The following TLCD4 variants were observed in gnomAD, a reference collection of about 807,000 sequenced individuals.
TLCD4 encodes TLC domain containing 4, also known as TLC domain-containing protein 4.
TLCD4 carries 7 observed loss-of-function variants against 24.2 expected under a neutral mutation model. That is an observed-to-expected ratio of 0.29 (90% confidence interval 0.16 to 0.54). The LOEUF (loss-of-function observed/expected upper bound fraction) is 0.54, where lower values mean the gene tolerates loss of function less well. Ranked by LOEUF, TLCD4 falls within the 20% of genes least tolerant of loss-of-function variation. The pLI, the probability that TLCD4 is intolerant of heterozygous loss-of-function variation, is 0.95. For synonymous variants in TLCD4, 103 were observed against 106.4 expected, an observed-to-expected ratio of 0.97 and a Z score of 0.20; for missense variants, 259 against 313.9, an observed-to-expected ratio of 0.82 and a Z score of 1.32.
At chr1:95,164,915 C>CT (rs1302718259) in intron 5 of TLCD4, 2 of 152,088 alleles carry the variant, frequency 1.3e-5, no homozygotes, top group Non-Finnish European at 2.9e-5. Flanking sequence ...AATTGCCTTC[C>CT]TTTTTTCCCC....
chr1:95,136,769 T>C (rs1371752424), intron 1 of TLCD4, among the ~76,000 whole-genome samples: 1 of 152,178 alleles, frequency 6.6e-6, no homozygotes, highest in Non-Finnish European at 1.5e-5. Context: ...TACCAGGATT[T>C]GTTGGTCAGT....
At chr1:95,186,379 G>A (rs754680640) in intron 6 of TLCD4, among the ~76,000 whole-genome samples, 28 of 152,200 alleles carry the variant, frequency 1.8e-4, no homozygotes, top group African/African-American at 3.1e-4. Flanking sequence ...GAGATCAGCA[G>A]AGTGGGTGAG....
chr1:95,156,753 A>G (rs1290912916), intron 5 of TLCD4, among the ~76,000 whole-genome samples: 1 of 152,170 alleles, frequency 6.6e-6, no homozygotes, highest in Non-Finnish European at 1.5e-5. Flanking sequence ...GGGAAAGAAA[A>G]GACCAAAATG....
At chr1:95,156,482 A>G (rs1234179828) in intron 5 of TLCD4, among the ~76,000 whole-genome samples, 2 of 152,130 alleles carry the variant, frequency 1.3e-5, no homozygotes, top group African/African-American at 4.8e-5. Context: ...TTTTCACGGA[A>G]TGGTTGTAGG....
chr1:95,183,960 A>G (rs1326493480), intron 6 of TLCD4, among the ~76,000 whole-genome samples: 1 of 152,220 alleles, frequency 6.6e-6, no homozygotes, highest in Non-Finnish European at 1.5e-5. Context: ...AATAATATGA[A>G]GCTGGAGGGA....
chr1:95,136,412 T>G (rs529968625), intron 1 of TLCD4, among the ~76,000 whole-genome samples: 1 of 152,354 alleles, frequency 6.6e-6, no homozygotes, highest in African/African-American at 2.4e-5. Context: ...GGATTCATTA[T>G]TTCAGCTAAT....
chr1:95,162,729 T>G lies in TLCD4; in HGVS notation c.400-11087T>G, dbSNP rs1004858334. 2.6e-4 allele frequency among the ~76,000 whole-genome samples: 39 copies of G among 152,336 alleles called. No individual in the cohort carries two copies. The East Asian group carries it at 7.1e-3, about 28-fold the overall frequency. ...CAGAATGTCTCAGCATTTGCTTGTC[T>G]GTAAAGGATTTTATTTCTCCTTCAC... On this transcript the variant is annotated intron_variant, in intron 5 of 6. Transcript: ENST00000370203.
intron 5 of TLCD4, among the ~76,000 whole-genome samples, chr1:95,166,120 C>G (rs1169874703): frequency 6.6e-6 from 1 of 152,118 alleles, no homozygotes; most frequent in South Asian, 2.1e-4. Context: ...AGTTTTGGAA[C>G]TTTTGAATAG....
chr1:95,162,861 C>T (rs893824091), intron 5 of TLCD4, among the ~76,000 whole-genome samples: 5 of 152,162 alleles, frequency 3.3e-5, no homozygotes, highest in Admixed American at 1.3e-4. Context: ...GAGTTTCTGC[C>T]GAGAGATCCG....
chr1:95,151,148 C>T (rs1196421392), intron 4 of TLCD4, among the ~76,000 whole-genome samples, 177 bp from the exon 5 acceptor site: 1 of 151,960 alleles, frequency 6.6e-6, no homozygotes, highest in Non-Finnish European at 1.5e-5. Context: ...ATGAGACAGG[C>T]ATATAGGAGC....
the TLCD4 span, among the ~76,000 whole-genome samples, chr1:95,104,989 T>C: frequency 6.6e-6 from 1 of 152,066 alleles, no homozygotes; most frequent in Non-Finnish European, 1.5e-5. Flanking sequence ...ACCACTGCAC[T>C]CCAGCCTGGG....
chr1:95,160,773 T>A (rs976388377), intron 5 of TLCD4, among the ~76,000 whole-genome samples: 12 of 152,218 alleles, frequency 7.9e-5, no homozygotes, highest in African/African-American at 2.7e-4. Flanking sequence ...GTGGTTTTCG[T>A]CTTTGGTTCT....
chr1:95,117,277 C>T (rs1676448880), upstream of TLCD4: 1 of 152,316 alleles, frequency 6.6e-6, no homozygotes, highest in Non-Finnish European at 1.5e-5. Flanking sequence ...GGCGGCCCGC[C>T]TCGGGGCCCC....
At chr1:95,191,317 G>C (rs1281451582) in intron 6 of TLCD4, among the ~76,000 whole-genome samples, 1 of 151,900 alleles carries the variant, frequency 6.6e-6, no homozygotes, top group African/African-American at 2.4e-5. Context: ...CTCTTCCATT[G>C]GTTTATTGAT....
At chr1:95,110,204 A>G in the TLCD4 span, among the ~76,000 whole-genome samples, 2 of 151,316 alleles carry the variant, frequency 1.3e-5, no homozygotes, top group South Asian at 2.1e-4. Flanking sequence ...TTTTTTGTCA[A>G]TAATTATATC....
At chr1:95,162,029 G>C (rs1410091490) in intron 5 of TLCD4, among the ~76,000 whole-genome samples, 1 of 152,184 alleles carries the variant, frequency 6.6e-6, no homozygotes, top group African/African-American at 2.4e-5. Flanking sequence ...GCTTGATGCA[G>C]AGCTGAGTTC....
At chr1:95,167,948 C>T (rs1017946724) in intron 5 of TLCD4, among the ~76,000 whole-genome samples, 24 of 152,176 alleles carry the variant, frequency 1.6e-4, no homozygotes, top group African/African-American at 5.3e-4. Context: ...CTCTCGTAAA[C>T]TGTCTTTTTT....
intron 1 of TLCD4, among the ~76,000 whole-genome samples, chr1:95,129,446 A>C (rs1371204594): frequency 6.6e-6 from 1 of 152,180 alleles, no homozygotes; most frequent in Non-Finnish European, 1.5e-5. Flanking sequence ...TTATCTTTGA[A>C]AGGGAGTGTA....
chr1:95,145,820 T>C (rs1286556221), intron 2 of TLCD4, among the ~76,000 whole-genome samples: 2 of 152,212 alleles, frequency 1.3e-5, no homozygotes, highest in South Asian at 2.1e-4. Context: ...TCTAGTCTTA[T>C]CACTGCCATT....
Sources: gnomAD v4.1 joint callset for allele counts (sites outside exome capture counted in the v4.1 genomes callset) on GRCh38, gnomAD v4.1.1 for gene constraint, MANE v1.5 for transcripts, NCBI Gene and HGNC (gene_info 2026-07-23, HGNC 2026-07-21) for gene names.